The following MAZ variants were observed in gnomAD, a reference collection of about 807,000 sequenced individuals.
MAZ encodes myc-associated zinc finger protein.
MAZ carries 4 observed loss-of-function variants against 32.7 expected under a neutral mutation model. The observed-to-expected ratio is 0.12, with a 90% confidence interval of 0.06 to 0.28. MAZ has a LOEUF of 0.28. Among genes scored for constraint, MAZ ranks in the 10% least tolerant of loss-of-function variants. The probability of loss-of-function intolerance (pLI) is 1.00; values close to 1 mark genes in which losing one functional copy is unlikely to be tolerated. For missense variants in MAZ, 763 were observed against 667.2 expected (o/e 1.14, Z -1.58); for synonymous variants, 510 against 297.6 (o/e 1.71, Z -7.35).
chr16:29,807,497 G>C lies in MAZ; in HGVS notation c.712G>C (p.Val238Leu). The change falls in exon 2 of 5, where the codon GTG becomes CTG. Residue 238 changes from valine (V) to leucine (L), a missense_variant. Physicochemically the swap from Val to Leu is conservative, Grantham distance 32. Transcript: ENST00000322945. Reference sequence around the variant, plus strand: ...CATGGTGCCCCTGAGCCTCCTGAGCGTGCCCCAGCTGAGCGGAGCCGGCGG... The same window carrying C: ...CATGGTGCCCCTGAGCCTCCTGAGCCTGCCCCAGCTGAGCGGAGCCGGCGG... ...PTMVPLSLLS[V>L]PQLSGAGGGG... 1 of 1,611,884 alleles carries C rather than the reference G, an allele frequency of 6.2e-7. No individual in the cohort carries two copies. The highest frequency in any genetic ancestry group is 8.5e-7 in the Non-Finnish European group (1 of 1,179,470).
chr16:29,808,371 C>G (rs756766322), intron 3 of MAZ, 78 bp downstream of exon 3: 6 of 1,412,030 alleles, frequency 4.2e-6, no homozygotes, highest in African/African-American at 1.4e-5. Context: ...GTCTCTCAGA[C>G]CCCCTTTTTC....
Position 29,807,299 on chromosome 16 carries a change from G to A in MAZ, c.514G>A (p.Ala172Thr). 2 of 1,565,240 alleles carry A rather than the reference G, an allele frequency of 1.3e-6. No individual in the cohort carries two copies. The highest frequency in any genetic ancestry group is 8.6e-7 in the Non-Finnish European group (1 of 1,158,786). ...CGTCGTAGCCCCAACCTCGACGGTCGCCGTGGCCCCGGTCGCGTCTGCCTT... is the reference window on the plus strand; with the variant it reads ...CGTCGTAGCCCCAACCTCGACGGTCACCGTGGCCCCGGTCGCGTCTGCCTT... ...TAVVAPTSTV[A>T]VAPVASALEK... is the part of the protein sequence containing the mutation. Residue 172 changes from alanine (A) to threonine (T), a missense_variant, in exon 2 of 5, where the codon GCC becomes ACC. Coordinates refer to ENST00000322945, the MANE Select transcript of MAZ (RefSeq NM_002383.4).
Position 29,811,024 on chromosome 16 carries a change from CT to C in MAZ, c.*797del. 1 of 454,328 alleles carries C rather than the reference CT, an allele frequency of 2.2e-6. No homozygotes were observed. The highest frequency in any genetic ancestry group is 4.4e-6 in the Non-Finnish European group (1 of 225,936). 28.1% of individuals were successfully genotyped at this position (454,328 alleles called of 1,614,324 possible). ...ACCCCAGCTCCAGCCCTGGTCTTGT[CT>C]TTTCATCCCTCTTCCCCACGACAGA... On this transcript the variant is annotated 3_prime_UTR_variant, in exon 5 of 5. Transcript: ENST00000322945.
intron 3 of MAZ, 93 bp from the exon 4 acceptor site, chr16:29,808,477 G>A (rs941424539): frequency 7.8e-6 from 8 of 1,031,494 alleles, no homozygotes; most frequent in Admixed American, 2.1e-5. Flanking sequence ...GATCCCCAAG[G>A]CTCTGATTCC....
rs1251479427 is a variant in MAZ, at chr16:29,807,148, G to C, written c.363G>C (p.Thr121=). 9.4e-7 allele frequency: 1 copy of C among 1,063,410 alleles called. No individual in the cohort carries two copies. Among genetic ancestry groups the C allele is most frequent in the Non-Finnish European group, 1.2e-6 (1 of 856,840 alleles). 65.9% of individuals were successfully genotyped at this position (1,063,410 alleles called of 1,614,324 possible). The change falls in exon 2 of 5, where the codon ACG becomes ACC. Residue 121 remains threonine, a synonymous_variant. Transcript: ENST00000322945. The stretch of plus-strand genomic sequence containing the variant: ...CCCCGGCCCCTGCCGCCGCCTCTAC[G>C]GTGGACACAGCGGCCCTGAAGCAGC... ...AAPPAPAAAS[T]VDTAALKQPP...
chr16:29,806,193 TCCCCCCGCCCCCA>T, upstream of MAZ: 5 of 215,022 alleles, frequency 2.3e-5, no homozygotes, highest in Non-Finnish European at 3.2e-5. Flanking sequence ...AACAACTCCC[TCCCCCCGCCCCCA>T]CCCCCCTGCC....
Position 29,808,618 on chromosome 16 carries a change from G to T in MAZ, c.1156G>T (p.Val386Leu). 1 of 1,613,390 alleles carries T rather than the reference G, an allele frequency of 6.2e-7. No individual in the cohort carries two copies. The highest frequency in any genetic ancestry group is 8.5e-7 in the Non-Finnish European group (1 of 1,179,910). Residue 386 changes from valine to leucine, a missense_variant, in exon 4 of 5, where the codon GTA becomes TTA. Val to Leu is a conservative substitution (Grantham distance 32). Coordinates refer to ENST00000322945, the MANE Select transcript of MAZ (RefSeq NM_002383.4). ...ATKDRLRAHT[V>L]RHEEKVPCHV... ...GAAGGATCGGCTGCGGGCGCACACA[G>T]TACGACACGAGGAGAAAGTGCCATG... is the stretch of plus-strand genomic sequence containing the variant.
chr16:29,809,427 T>G, intron 4 of MAZ: 1 of 705,008 alleles, frequency 1.4e-6, no homozygotes, highest in Non-Finnish European at 2.5e-6. Context: ...AAGGATACCG[T>G]GGGAGGAGGA....
chr16:29,809,563 C>G, intron 4 of MAZ: 1 of 1,611,822 alleles, frequency 6.2e-7, no homozygotes, highest in Non-Finnish European at 8.5e-7. Flanking sequence ...AGCATACCTG[C>G]GCATCCACGC....
chr16:29,809,169 A>G (rs1319885291), intron 4 of MAZ: 20 of 487,986 alleles, frequency 4.1e-5, no homozygotes, highest in Non-Finnish European at 7.2e-6. Flanking sequence ...CTTCAGTCAG[A>G]CTCACCGGTT....
chr16:29,808,755 G>C lies in MAZ; in HGVS notation c.1279+14G>C. 1 of 1,612,002 alleles carries C rather than the reference G, an allele frequency of 6.2e-7. No individual in the cohort carries two copies. The highest frequency in any genetic ancestry group is 1.1e-5 in the South Asian group (1 of 90,898). ...TCTGCAACAAAGGTACATGCCGAGG[G>C]CTGCCGGGAGGGCCAGGGGCAGAGG... On this transcript the variant is annotated intron_variant, in intron 4 of 4. Coordinates refer to ENST00000322945, the MANE Select transcript of MAZ (RefSeq NM_002383.4).
Position 29,810,827 on chromosome 16 carries a change from C to T in MAZ, c.*596C>T. ...TTGGGGTCAGGCCCTGAACATCGTCCTACTTGAGAATCTGTCAGGGGAAAA... is the reference window on the plus strand; with the variant it reads ...TTGGGGTCAGGCCCTGAACATCGTCTTACTTGAGAATCTGTCAGGGGAAAA... On this transcript the variant is annotated 3_prime_UTR_variant, in exon 5 of 5. Transcript: ENST00000322945. 2.9e-6 allele frequency: 1 copy of T among 344,042 alleles called. No homozygotes were observed. The highest frequency in any genetic ancestry group is 5.7e-6 in the Non-Finnish European group (1 of 176,114). The allele number at this position is 344,042 out of a possible 1,614,324, so 21.3% of individuals were successfully genotyped here.
intron 4 of MAZ, chr16:29,809,046 G>A (rs1899742459): frequency 1.9e-6 from 1 of 539,404 alleles, no homozygotes; most frequent in South Asian, 2.7e-5. Context: ...GGGTCACAAG[G>A]CAAGGTTTCC....
chr16:29,806,800 A>G lies in MAZ; in HGVS notation c.99A>G (p.Pro33=), dbSNP rs1290405705. The change falls in exon 1 of 5, where the codon CCA becomes CCG. Residue 33 remains proline, a synonymous_variant. Transcript: ENST00000322945. ...GCGGCCTCATGAACTCCTTCCCGCC[A>G]CCTCAGGGTCACGCCCAGAACCCCC... ...GVGGLMNSFP[P]PQGHAQNPLQ... is the part of the protein sequence containing the mutation. 1 of 1,428,396 alleles carries G rather than the reference A, an allele frequency of 7.0e-7. No individual in the cohort carries two copies. The highest frequency in any genetic ancestry group is 9.2e-7 in the Non-Finnish European group (1 of 1,083,728). 88.5% of individuals were successfully genotyped at this position (1,428,396 alleles called of 1,614,324 possible). A position where few individuals can be genotyped will look rare whatever the true frequency, so the allele number is the denominator to read the frequency against.
In MAZ at chr16:29,807,790, G is replaced by A. The variant is rs778171318; in HGVS notation, c.1005G>A (p.Lys335=). 40 of 1,611,084 alleles carry A rather than the reference G, an allele frequency of 2.5e-5. No individual in the cohort carries two copies. The highest frequency in any genetic ancestry group is 3.3e-5 in the Non-Finnish European group (39 of 1,179,940). The change falls in exon 2 of 5, where the codon AAG becomes AAA. Residue 335 remains lysine, a synonymous_variant. Transcript: ENST00000322945. ...GCTCACATGACGGCGCTGTGCACAAGCCCTACAACTGCTCCCACTGTGGCA... is the reference window on the plus strand; with the variant it reads ...GCTCACATGACGGCGCTGTGCACAAACCCTACAACTGCTCCCACTGTGGCA... The part of the protein sequence containing the change: ...HVRSHDGAVH[K]PYNCSHCGKS...
At position 29,810,884 on chromosome 16, in the gene MAZ, G is replaced by A. The variant is rs1041436862; in HGVS notation, c.*653G>A. ...GGGGAGCAGGAGGAAGAGCCAGGAG[G>A]GCCAGAGGCAGAGAAGAGATGGAGT... On this transcript the variant is annotated 3_prime_UTR_variant, in exon 5 of 5. Transcript: ENST00000322945. The A allele has an allele frequency of 5.9e-6, 2 of 339,232 alleles. No homozygotes were observed. The highest frequency in any genetic ancestry group is 4.6e-5 in the South Asian group (2 of 43,784). 21.0% of individuals were successfully genotyped at this position (339,232 alleles called of 1,614,324 possible). A position where few individuals can be genotyped will look rare whatever the true frequency, so the allele number is the denominator to read the frequency against.
In MAZ at chr16:29,807,490, C is replaced by T. The variant is rs201090868; in HGVS notation, c.705C>T (p.Leu235=). The T allele has an allele frequency of 9.9e-5, 159 of 1,612,104 alleles. 1 individual carries two copies. In the African/African-American group the frequency reaches 1.5e-3, roughly 16 times the overall value. ...TGCCGACCATGGTGCCCCTGAGCCT[C>T]CTGAGCGTGCCCCAGCTGAGCGGAG... ...MKMPTMVPLS[L]LSVPQLSGAG... The change falls in exon 2 of 5, where the codon CTC becomes CTT. Residue 235 remains leucine (L), a synonymous_variant. Transcript: ENST00000322945.
chr16:29,806,803 T>G lies in MAZ; in HGVS notation c.102T>G (p.Pro34=), dbSNP rs1477761171. ...GCCTCATGAACTCCTTCCCGCCACC[T>G]CAGGGTCACGCCCAGAACCCCCTGC... is the stretch of plus-strand genomic sequence containing the variant. ...VGGLMNSFPP[P]QGHAQNPLQV... Residue 34 remains proline, a synonymous_variant, in exon 1 of 5, where the codon CCT becomes CCG. Transcript: ENST00000322945. 7.0e-7 allele frequency: 1 copy of G among 1,433,946 alleles called. No individual in the cohort carries two copies. 88.8% of individuals were successfully genotyped at this position (1,433,946 alleles called of 1,614,324 possible).
In MAZ at chr16:29,810,471, C is replaced by T. The variant is rs1899881478; in HGVS notation, c.*240C>T. On this transcript the variant is annotated 3_prime_UTR_variant, in exon 5 of 5. Coordinates refer to ENST00000322945, the MANE Select transcript of MAZ (RefSeq NM_002383.4). ...CTGTCCCCTCGGTTGTGTTGAAGTCCCCTGGACAGTGGGCAGGGGTGGCAG... is the reference window on the plus strand; with the variant it reads ...CTGTCCCCTCGGTTGTGTTGAAGTCTCCTGGACAGTGGGCAGGGGTGGCAG... The T allele has an allele frequency of 7.1e-6, 5 of 706,194 alleles. No homozygotes were observed. Among genetic ancestry groups the T allele is most frequent in the Non-Finnish European group, 1.0e-5 (4 of 388,628 alleles). 43.7% of individuals were successfully genotyped at this position (706,194 alleles called of 1,614,324 possible).
Sources: allele counts gnomAD v4.1 joint callset, GRCh38; gene constraint gnomAD v4.1.1; transcripts MANE v1.5; gene names NCBI Gene and HGNC (gene_info 2026-07-23, HGNC 2026-07-21).